PTP4A2: variants seen among roughly 807,000 people sequenced by gnomAD.
PTP4A2 encodes the protein protein tyrosine phosphatase type IVA 2.
A neutral mutation model predicts 22.9 loss-of-function variants in PTP4A2; 2 were observed. The observed-to-expected ratio is 0.09, with a 90% confidence interval of 0.04 to 0.27. The LOEUF is 0.27. Ranked by LOEUF, PTP4A2 falls within the 10% of genes least tolerant of loss-of-function variation. The pLI, the probability that PTP4A2 is intolerant of heterozygous loss-of-function variation, is 1.00. For synonymous variants in PTP4A2, 68 were observed against 69.1 expected (o/e 0.98, Z 0.08); for missense variants, 103 against 205.1 (o/e 0.50, Z 3.04).
Position 31,917,845 on chromosome 1 carries a change from G to A in PTP4A2, c.96+1125C>T, listed in dbSNP as rs572995649. On this transcript the variant is annotated intron_variant, in intron 2 of 5. Transcript: ENST00000647444. The stretch of plus-strand genomic sequence containing the variant: ...AAAAATTAGCTGGGTGTGGTGGCGC[G>A]CGCCTGTAGTCCCAGCTACTTGGGA... 8.6e-5 allele frequency among the ~76,000 whole-genome samples: 13 copies of A among 151,508 alleles called. 1 individual carries two copies. In the South Asian group the frequency reaches 1.7e-3, roughly 19 times the overall value.
chr1:31,930,100 A>G (rs1324498121), intron 1 of PTP4A2, among the ~76,000 whole-genome samples: 2 of 152,184 alleles, frequency 1.3e-5, no homozygotes, highest in Non-Finnish European at 2.9e-5. Context: ...GCACTTTGGG[A>G]GGCCAAGGCG....
chr1:31,920,629 C>A (rs1164109152), intron 1 of PTP4A2, among the ~76,000 whole-genome samples: 1 of 150,862 alleles, frequency 6.6e-6, no homozygotes, highest in Non-Finnish European at 1.5e-5. Context: ...CCTCCGCCCC[C>A]CAGGTTCAAG....
chr1:31,912,015 A>C (rs1651559521), intron 3 of PTP4A2, among the ~76,000 whole-genome samples, 189 bp from the exon 4 acceptor site: 1 of 152,220 alleles, frequency 6.6e-6, no homozygotes, highest in South Asian at 2.1e-4. Context: ...TTGCCAAATA[A>C]ATTACCCTTC....
At chr1:31,912,686 T>C (rs576268634) in intron 3 of PTP4A2, among the ~76,000 whole-genome samples, 1 of 152,186 alleles carries the variant, frequency 6.6e-6, no homozygotes, top group African/African-American at 2.4e-5. Context: ...CCTCCTGCCA[T>C]CTAAGCTTCA....
chr1:31,931,042 T>C (rs1652704895), intron 1 of PTP4A2: 1 of 152,214 alleles, frequency 6.6e-6, no homozygotes, highest in Admixed American at 6.5e-5. Context: ...AGGGACAATA[T>C]GTCACCTCCC....
intron 1 of PTP4A2, among the ~76,000 whole-genome samples, chr1:31,929,377 AATTAC>A (rs1176681995): frequency 1.3e-5 from 2 of 152,192 alleles, no homozygotes; most frequent in Admixed American, 6.5e-5. Context: ...ATCTTTTAAA[AATTAC>A]ATTAAATAGT....
chr1:31,921,659 C>T (rs574785139), intron 1 of PTP4A2: 1 of 152,240 alleles, frequency 6.6e-6, no homozygotes, highest in Non-Finnish European at 1.5e-5. Context: ...TGCCTTTTCC[C>T]TAAGTTACCA....
chr1:31,922,436 T>C (rs957704522), intron 1 of PTP4A2, among the ~76,000 whole-genome samples: 5 of 152,148 alleles, frequency 3.3e-5, no homozygotes, highest in Non-Finnish European at 5.9e-5. Context: ...GGAGCCAAGA[T>C]TGTGCCACTG....
Position 31,906,689 on chromosome 1 carries a change from A to G in PTP4A2, c.*2163T>C, listed in dbSNP as rs1214941673. 6.6e-6 allele frequency: 1 copy of G among 151,950 alleles called. No homozygotes were observed. The highest frequency in any genetic ancestry group is 1.5e-5 in the Non-Finnish European group (1 of 68,020). 9.4% of individuals were successfully genotyped at this position (151,950 alleles called of 1,614,324 possible). A position where few individuals can be genotyped will look rare whatever the true frequency, so the allele number is the denominator to read the frequency against. On this transcript the variant is annotated 3_prime_UTR_variant, in exon 6 of 6. Coordinates refer to ENST00000647444, the MANE Select transcript of PTP4A2 (RefSeq NM_080391.4). ...CTCCTCAATACAGAACCAGGAATGTAATTTTCCTAACTCAGGCAGGCACTG... is the reference window on the plus strand; with the variant it reads ...CTCCTCAATACAGAACCAGGAATGTGATTTTCCTAACTCAGGCAGGCACTG...
chr1:31,930,545 T>C (rs959388270), intron 1 of PTP4A2, among the ~76,000 whole-genome samples: 2 of 152,152 alleles, frequency 1.3e-5, no homozygotes, highest in Admixed American at 1.3e-4. Context: ...ATAAATTATT[T>C]TGTTTGAGCC....
At chr1:31,934,623 ATAC>A (rs1238137347) in intron 1 of PTP4A2, among the ~76,000 whole-genome samples, 2 of 152,260 alleles carry the variant, frequency 1.3e-5, no homozygotes, top group Non-Finnish European at 2.9e-5. Context: ...GCATAAGGAA[ATAC>A]TACCTTTATA....
intron 4 of PTP4A2, chr1:31,910,315 G>A (rs1423894000): frequency 2.1e-6 from 1 of 477,218 alleles, no homozygotes; most frequent in Non-Finnish European, 3.8e-6. Context: ...AGGGGACAGG[G>A]TCTCGCTCTA....
In PTP4A2 at chr1:31,907,268, CACT is replaced by C. The variant is rs1014357631; in HGVS notation, c.*1581_*1583del. On this transcript the variant is annotated 3_prime_UTR_variant, in exon 6 of 6. Transcript: ENST00000647444. ...CGTATTCAGAGCCCTAGAAGCAGGG[CACT>C]ACTGAGTACGTAATATTTAGAGGTG... 3 of 152,166 alleles carry C rather than the reference CACT, an allele frequency of 2.0e-5. No individual in the cohort carries two copies. Among genetic ancestry groups the C allele is most frequent in the Non-Finnish European group, 4.4e-5 (3 of 68,042 alleles). 9.4% of individuals were successfully genotyped at this position (152,166 alleles called of 1,614,324 possible). A position where few individuals can be genotyped will look rare whatever the true frequency, so the allele number is the denominator to read the frequency against.
intron 2 of PTP4A2, among the ~76,000 whole-genome samples, 174 bp from the exon 3 acceptor site, chr1:31,916,161 A>G (rs1651820708): frequency 1.3e-5 from 2 of 151,936 alleles, no homozygotes; most frequent in South Asian, 2.1e-4. Context: ...CCTGACCAAC[A>G]TAGTGAAACC....
Position 31,915,875 on chromosome 1 carries a change from T to G in PTP4A2, c.189+20A>C. 4 of 1,502,046 alleles carry G rather than the reference T, an allele frequency of 2.7e-6. No individual in the cohort carries two copies. The highest frequency in any genetic ancestry group is 2.7e-6 in the Non-Finnish European group (3 of 1,105,116). 93.0% of individuals were successfully genotyped at this position (1,502,046 alleles called of 1,614,324 possible). A position where few individuals can be genotyped will look rare whatever the true frequency, so the allele number is the denominator to read the frequency against. ...GAAAGATACAACTTGTTTTGAAAAATTTAAATACTACACACTCACTAGAAC... is the reference window on the plus strand; with the variant it reads ...GAAAGATACAACTTGTTTTGAAAAAGTTAAATACTACACACTCACTAGAAC... On this transcript the variant is annotated intron_variant, in intron 3 of 5. Transcript: ENST00000647444.
chr1:31,909,645 T>C (rs55894623), intron 5 of PTP4A2, among the ~76,000 whole-genome samples: 7,188 of 151,580 alleles, frequency 0.047, 214 homozygotes, highest in Middle Eastern at 0.099. Flanking sequence ...GCACTCCAGC[T>C]TGAGCAACAG....
chr1:31,922,963 A>C (rs1304271652), intron 1 of PTP4A2, among the ~76,000 whole-genome samples: 1 of 148,778 alleles, frequency 6.7e-6, no homozygotes, highest in Non-Finnish European at 1.5e-5. Flanking sequence ...AGAGAGTCTT[A>C]CTCTGTTGCC....
intron 5 of PTP4A2, among the ~76,000 whole-genome samples, 160 bp downstream of exon 5, chr1:31,909,878 A>G (rs972043130): frequency 3.3e-5 from 5 of 152,218 alleles, no homozygotes; most frequent in African/African-American, 1.2e-4. Context: ...AGCTGTACTG[A>G]GTCTCTATCA....
Position 31,908,140 on chromosome 1 carries a change from T to TTA in PTP4A2, c.*710_*711dup, listed in dbSNP as rs1204595576. ...TATATATATATATATATATATTATA[T>TTA]TATATATATATATATATATATATAT... On this transcript the variant is annotated 3_prime_UTR_variant, in exon 6 of 6. Transcript: ENST00000647444. 1 of 424 alleles carries TTA rather than the reference T, an allele frequency of 2.4e-3. No homozygotes were observed. Among genetic ancestry groups the TTA allele is most frequent in the Non-Finnish European group, 4.5e-3 (1 of 222 alleles). 0.0% of individuals were successfully genotyped at this position (424 alleles called of 1,614,324 possible).
Sources: allele counts gnomAD v4.1 joint callset (sites outside exome capture counted in the v4.1 genomes callset), GRCh38; gene constraint gnomAD v4.1.1; transcripts MANE v1.5; gene names NCBI Gene and HGNC (gene_info 2026-07-23, HGNC 2026-07-21).